ZNF469: variants seen among roughly 807,000 people sequenced by gnomAD.
The protein encoded by ZNF469 is zinc finger protein 469.
Under a neutral mutation model 1.0 loss-of-function variants are expected in ZNF469, and 1 was observed. That is an observed-to-expected ratio of 1.00 (90% CI 0.35 to 4.73). ZNF469 has a LOEUF of 4.73. Among genes scored for constraint, ZNF469 ranks in the 30% most tolerant of loss-of-function variants. The pLI, the probability that ZNF469 is intolerant of heterozygous loss-of-function variation, is 0.16. For synonymous variants in ZNF469, 2,703 were observed against 2,363.4 expected, an observed-to-expected ratio of 1.14 and a Z score of -4.17; for missense variants, 6,100 against 5,356.3, an observed-to-expected ratio of 1.14 and a Z score of -4.33.
At chr16:88,367,635 TGA>T in the ZNF469 span, among the ~76,000 whole-genome samples, 1 of 152,136 alleles carries the variant, frequency 6.6e-6, no homozygotes, top group Admixed American at 6.5e-5. Flanking sequence ...GGTGTTTGTG[TGA>T]GTGTTCTGTG....
At chr16:88,156,543 T>C in the ZNF469 span, among the ~76,000 whole-genome samples, 8 of 152,340 alleles carry the variant, frequency 5.3e-5, no homozygotes, top group East Asian at 9.6e-4. Flanking sequence ...TGAACCTACA[T>C]GTGAGAAGTT....
the ZNF469 span, among the ~76,000 whole-genome samples, chr16:88,260,103 G>C: frequency 2.6e-5 from 4 of 151,082 alleles, no homozygotes; most frequent in Admixed American, 2.6e-4. This position sits in a 1 kb window ranked among gnomAD's most constrained non-coding sequence, Gnocchi z 4.1. Flanking sequence ...TCAGCCTCCT[G>C]AGTGGCTGGG....
At chr16:88,243,764 T>C in the ZNF469 span, among the ~76,000 whole-genome samples, 1 of 149,494 alleles carries the variant, frequency 6.7e-6, no homozygotes, top group Admixed American at 6.7e-5. Context: ...GATGAATAGA[T>C]GGATGGATGC....
At chr16:88,129,162 G>A in the ZNF469 span, among the ~76,000 whole-genome samples, 3 of 152,324 alleles carry the variant, frequency 2.0e-5, no homozygotes, top group Middle Eastern at 3.4e-3. Flanking sequence ...GCTCATCCCC[G>A]TGAGCTCTGG....
chr16:88,140,824 C>T, the ZNF469 span, among the ~76,000 whole-genome samples: 2,244 of 152,146 alleles, frequency 0.015, 58 homozygotes, highest in African/African-American at 0.052. Flanking sequence ...TCCCTGCTAC[C>T]TGGGAGGCTG....
chr16:88,103,217 G>A, the ZNF469 span, among the ~76,000 whole-genome samples: 1 of 152,060 alleles, frequency 6.6e-6, no homozygotes, highest in Non-Finnish European at 1.5e-5. Flanking sequence ...CACTGGCATG[G>A]CCTCTCGCCC....
At chr16:88,213,433 G>A in the ZNF469 span, among the ~76,000 whole-genome samples, 1 of 152,132 alleles carries the variant, frequency 6.6e-6, no homozygotes, top group Non-Finnish European at 1.5e-5. Flanking sequence ...TTTTATAGAA[G>A]AAGACTTCTT....
At chr16:88,413,011 C>G (rs1298708986) in intron 1 of ZNF469, among the ~76,000 whole-genome samples, 1 of 152,048 alleles carries the variant, frequency 6.6e-6, no homozygotes, top group African/African-American at 2.4e-5. Context: ...GGGAGGGTCA[C>G]CGAGAGACCC....
chr16:88,277,804 C>T, the ZNF469 span, among the ~76,000 whole-genome samples: 67 of 34,056 alleles, frequency 2.0e-3, 1 homozygote, highest in Middle Eastern at 0.014. Flanking sequence ...GTTAGTGCTG[C>T]GTCACACCGA....
At chr16:88,174,509 T>A in the ZNF469 span, among the ~76,000 whole-genome samples, 78 of 136,228 alleles carry the variant, frequency 5.7e-4, 1 homozygote, top group Non-Finnish European at 5.5e-4. Flanking sequence ...TATCTATCTA[T>A]CTATCATCTA....
chr16:88,188,209 G>A, the ZNF469 span, among the ~76,000 whole-genome samples: 6 of 151,864 alleles, frequency 4.0e-5, no homozygotes, highest in African/African-American at 9.7e-5. Flanking sequence ...TCCAGATCAC[G>A]TCTCACCTCT....
the ZNF469 span, among the ~76,000 whole-genome samples, chr16:88,324,820 G>A: frequency 2.0e-5 from 3 of 152,302 alleles, no homozygotes; most frequent in East Asian, 5.8e-4. Flanking sequence ...GGGGCAGCTG[G>A]AGGAAGCTGT....
At chr16:88,266,942 G>A in the ZNF469 span, among the ~76,000 whole-genome samples, 1 of 152,022 alleles carries the variant, frequency 6.6e-6, no homozygotes, top group South Asian at 2.1e-4. Flanking sequence ...GCTTGGTGGC[G>A]GGGGCATCCT....
the ZNF469 span, among the ~76,000 whole-genome samples, chr16:88,179,128 C>T: frequency 3.9e-5 from 6 of 152,156 alleles, no homozygotes; most frequent in African/African-American, 7.2e-5. Context: ...GCCCCAGACC[C>T]GCAGTGTAAG....
intron 1 of ZNF469, among the ~76,000 whole-genome samples, chr16:88,398,403 CCACAGATGAAGGGACATGTG>C (rs1904754535): frequency 8.1e-6 from 1 of 123,094 alleles, no homozygotes; most frequent in Non-Finnish European, 1.8e-5. Flanking sequence ...GACATGTGAG[CCACAGATGAAGGGACATGTG>C]GGCCACGGAT....
chr16:88,113,029 T>G, the ZNF469 span, among the ~76,000 whole-genome samples: 8 of 152,052 alleles, frequency 5.3e-5, no homozygotes, highest in Non-Finnish European at 1.2e-4. Context: ...CCACCCGCCT[T>G]GGCCTCCCAA....
chr16:88,238,327 C>T, the ZNF469 span, among the ~76,000 whole-genome samples: 5 of 152,208 alleles, frequency 3.3e-5, no homozygotes, highest in African/African-American at 1.2e-4. Flanking sequence ...GAGAGCCGCA[C>T]AAGTGACACA....
chr16:88,381,054 A>G (rs1162233279), upstream of ZNF469, among the ~76,000 whole-genome samples: 12 of 147,740 alleles, frequency 8.1e-5, no homozygotes, highest in Non-Finnish European at 8.9e-5. Context: ...TCACACAGAC[A>G]CGCTCTCACA....
chr16:88,191,367 G>T, the ZNF469 span: 46,301 of 152,202 alleles, frequency 0.3, 7,216 homozygotes, highest in East Asian at 0.44. Flanking sequence ...TTGGGTGGGT[G>T]CTGGCTTTGA....
Sources: allele counts gnomAD v4.1 joint callset (sites outside exome capture counted in the v4.1 genomes callset), GRCh38; gene constraint gnomAD v4.1.1; non-coding constraint Gnocchi (gnomAD v3.1); transcripts MANE v1.5; gene names NCBI Gene and HGNC (gene_info 2026-07-23, HGNC 2026-07-21).